The following CNBD1 variants were observed in gnomAD, a reference collection of about 807,000 sequenced individuals.
CNBD1 encodes the protein cyclic nucleotide-binding domain-containing protein 1.
Under a neutral mutation model 54.4 loss-of-function variants are expected in CNBD1, and 71 were observed. The ratio of observed to expected loss-of-function variants is 1.30; its 90% CI spans 1.08 to 1.59. The LOEUF (loss-of-function observed/expected upper bound fraction) is 1.59, where lower values mean the gene tolerates loss of function less well. CNBD1 is among the 40% of genes most tolerant of loss of function. CNBD1 has a pLI of 0.00. For synonymous variants in CNBD1, 182 were observed against 170.7 expected (o/e 1.07, Z -0.51); for missense variants, 659 against 518.0 (o/e 1.27, Z -2.64).
chr8:86,967,692 T>G (rs1808117503), intron 4 of CNBD1, among the ~76,000 whole-genome samples: 1 of 152,228 alleles, frequency 6.6e-6, no homozygotes, highest in South Asian at 2.1e-4. Flanking sequence ...GCATGTTGCC[T>G]ACTCTTTTTA....
At chr8:87,203,148 A>G (rs186214776) in intron 4 of CNBD1, among the ~76,000 whole-genome samples, 1 of 152,336 alleles carries the variant, frequency 6.6e-6, no homozygotes, top group African/African-American at 2.4e-5. Flanking sequence ...CGCTTGGTAA[A>G]GGAAGTATAC....
intron 8 of CNBD1, among the ~76,000 whole-genome samples, chr8:87,298,488 CTTT>C (rs11414234): frequency 1.4e-5 from 2 of 139,806 alleles, no homozygotes; most frequent in Non-Finnish European, 1.5e-5. Flanking sequence ...TTTTTTCCCT[CTTT>C]TTTTTTTTTT....
chr8:87,344,609 GC>G (rs1317355163), intron 8 of CNBD1, among the ~76,000 whole-genome samples: 3 of 151,940 alleles, frequency 2.0e-5, no homozygotes, highest in Non-Finnish European at 4.4e-5. Flanking sequence ...TGGTTTACCT[GC>G]CCCTGTGTAG....
chr8:87,245,454 G>A (rs1191958161), intron 6 of CNBD1, among the ~76,000 whole-genome samples: 1 of 106,756 alleles, frequency 9.4e-6, no homozygotes, highest in African/African-American at 3.9e-5. Flanking sequence ...TACAATTGAA[G>A]CTTTTGTTTC....
At chr8:86,923,613 A>C (rs1465628571) in intron 3 of CNBD1, among the ~76,000 whole-genome samples, 1 of 152,144 alleles carries the variant, frequency 6.6e-6, no homozygotes, top group Non-Finnish European at 1.5e-5. Flanking sequence ...AAGTCAGCAC[A>C]AATTGGCCTT....
chr8:87,376,745 G>C (rs558606987), intron 10 of CNBD1, among the ~76,000 whole-genome samples: 67 of 151,800 alleles, frequency 4.4e-4, no homozygotes, highest in Non-Finnish European at 7.8e-4. Context: ...CCATTTTATA[G>C]GTAAGGCAAC....
intron 2 of CNBD1, among the ~76,000 whole-genome samples, chr8:87,416,133 A>T (rs914582442): frequency 2.0e-5 from 3 of 151,952 alleles, no homozygotes; most frequent in Non-Finnish European, 2.9e-5. Context: ...TTTTAACAAT[A>T]TATCTTCAAA....
At chr8:87,024,283 G>C (rs921376154) in intron 4 of CNBD1, among the ~76,000 whole-genome samples, 17 of 149,256 alleles carry the variant, frequency 1.1e-4, no homozygotes, top group Non-Finnish European at 2.1e-4. Context: ...GGAATCATTA[G>C]AGTTTACAAA....
At chr8:87,424,106 T>C (rs528817173) in intron 2 of CNBD1, among the ~76,000 whole-genome samples, 1 of 152,220 alleles carries the variant, frequency 6.6e-6, no homozygotes, top group Non-Finnish European at 1.5e-5. Context: ...TGTATTTCTG[T>C]GGGATTGGTG....
intron 6 of CNBD1, among the ~76,000 whole-genome samples, chr8:87,256,007 ATATATATATTTTTTT>A (rs1157789968): frequency 2.0e-4 from 4 of 19,790 alleles, no homozygotes; most frequent in African/African-American, 8.1e-4. Flanking sequence ...ATATATATAT[ATATATATATTTTTTT>A]TTTTTTTTTT....
intron 4 of CNBD1, among the ~76,000 whole-genome samples, chr8:86,947,497 T>A (rs1277473823): frequency 6.6e-6 from 1 of 152,164 alleles, no homozygotes; most frequent in Non-Finnish European, 1.5e-5. Flanking sequence ...ACTAGACTGA[T>A]GTGAAATCTA....
chr8:87,349,564 C>T (rs966430547), intron 8 of CNBD1, among the ~76,000 whole-genome samples: 4 of 152,138 alleles, frequency 2.6e-5, no homozygotes, highest in African/African-American at 7.2e-5. Flanking sequence ...TTAGTAGAGA[C>T]GAGGTTTCGC....
chr8:87,226,709 T>C (rs1298940684), intron 5 of CNBD1, among the ~76,000 whole-genome samples: 1 of 152,052 alleles, frequency 6.6e-6, no homozygotes, highest in African/African-American at 2.4e-5. Flanking sequence ...GAAAAAAATG[T>C]ATATTCTGTT....
chr8:87,400,516 A>G (rs541906518), intron 2 of CNBD1, among the ~76,000 whole-genome samples: 21 of 152,132 alleles, frequency 1.4e-4, no homozygotes, highest in Admixed American at 1.2e-3. Context: ...CAGTGTGTTG[A>G]TCAATTCTAA....
At chr8:87,294,010 A>C (rs1276853499) in intron 8 of CNBD1, among the ~76,000 whole-genome samples, 1 of 152,172 alleles carries the variant, frequency 6.6e-6, no homozygotes, top group East Asian at 1.9e-4. Flanking sequence ...TTTAACTTAC[A>C]GATAATGTGA....
chr8:87,372,643 C>T (rs1302150282), intron 10 of CNBD1, among the ~76,000 whole-genome samples: 1 of 151,710 alleles, frequency 6.6e-6, no homozygotes, highest in Non-Finnish European at 1.5e-5. Context: ...TTTTTTGTTA[C>T]ATAATACTTT....
At chr8:87,358,667 C>G (rs1236259889) in intron 10 of CNBD1, among the ~76,000 whole-genome samples, 1 of 152,116 alleles carries the variant, frequency 6.6e-6, no homozygotes, top group East Asian at 1.9e-4. Context: ...CCATGATATG[C>G]TTTCAGCAAG....
chr8:86,994,242 G>A (rs1808819305), intron 4 of CNBD1, among the ~76,000 whole-genome samples: 2 of 152,214 alleles, frequency 1.3e-5, no homozygotes, highest in African/African-American at 4.8e-5. Flanking sequence ...CAACTGTGCT[G>A]AGGAATCTGA....
intron 4 of CNBD1, among the ~76,000 whole-genome samples, chr8:87,028,259 C>G (rs908780063): frequency 6.6e-6 from 1 of 152,196 alleles, no homozygotes; most frequent in African/African-American, 2.4e-5. Context: ...AAAGGCAGCT[C>G]TTCTGAGGCA....
Sources: allele counts gnomAD v4.1 joint callset (sites outside exome capture counted in the v4.1 genomes callset), GRCh38; gene constraint gnomAD v4.1.1; transcripts MANE v1.5; gene names NCBI Gene and HGNC (gene_info 2026-07-23, HGNC 2026-07-21).